The following CPM variants were observed in gnomAD, a reference collection of about 807,000 sequenced individuals.
The protein encoded by CPM is renal carboxypeptidase.
A neutral mutation model predicts 46.4 loss-of-function variants in CPM; 35 were observed. That is an observed-to-expected ratio of 0.75 (90% CI 0.58 to 1.00). The LOEUF is 1.00. CPM is among the 50% of genes least tolerant of loss of function. CPM has a pLI of 0.00. For missense variants in CPM, 422 were observed against 530.4 expected (o/e 0.80, Z 2.01); for synonymous variants, 195 against 195.3 (o/e 1.00, Z 0.01).
chr12:68,905,610 T>C (rs550695105), intron 2 of CPM, among the ~76,000 whole-genome samples: 1 of 152,222 alleles, frequency 6.6e-6, no homozygotes, highest in East Asian at 1.9e-4. Context: ...GTATTTTATA[T>C]AGTCTTTTTA....
intron 2 of CPM, among the ~76,000 whole-genome samples, chr12:68,928,525 T>C (rs904809256): frequency 2.6e-5 from 4 of 152,352 alleles, no homozygotes; most frequent in East Asian, 3.9e-4. Flanking sequence ...TTTACCTGTT[T>C]TGTAAATGAG....
intron 1 of CPM, among the ~76,000 whole-genome samples, chr12:68,943,669 G>A (rs1017571834): frequency 3.9e-5 from 6 of 152,152 alleles, no homozygotes; most frequent in African/African-American, 1.4e-4. Flanking sequence ...TTGCAAGAAA[G>A]CTTCTTGGCT....
chr12:68,871,902 C>T lies in CPM; in HGVS notation c.313G>A (p.Gly105Ser). ...AGATTTGTGATTTCAGGGTCTTTGC[C>T]ATCACTGGTTACGAGATAGTCAATC... ...HLIDYLVTSD[G>S]KDPEITNLIN... is the part of the protein sequence containing the mutation. The change falls in exon 4 of 9, where the codon GGC (glycine) becomes AGC (serine). Residue 105 changes from glycine (G) to serine (S), a missense_variant. By Grantham distance (56) the Gly-to-Ser change is moderately conservative. Transcript: ENST00000551568. 6.2e-7 allele frequency: 1 copy of T among 1,614,102 alleles called. No homozygotes were observed. The highest frequency in any genetic ancestry group is 8.5e-7 in the Non-Finnish European group (1 of 1,180,020).
intron 7 of CPM, among the ~76,000 whole-genome samples, chr12:68,865,473 C>G (rs1885395809): frequency 6.6e-6 from 1 of 152,238 alleles, no homozygotes; most frequent in African/African-American, 2.4e-5. Context: ...ACTCAGCCCT[C>G]TGGCCCTGTG....
chr12:68,885,176 C>G (rs554457785), intron 3 of CPM, among the ~76,000 whole-genome samples: 4 of 152,132 alleles, frequency 2.6e-5, no homozygotes, highest in Non-Finnish European at 4.4e-5. Context: ...AACTACTGAC[C>G]TCAAGTGATC....
At chr12:68,912,514 G>A (rs1364219006) in intron 2 of CPM, among the ~76,000 whole-genome samples, 2 of 152,144 alleles carry the variant, frequency 1.3e-5, no homozygotes, top group East Asian at 3.9e-4. Context: ...ACTGCCAGAT[G>A]ATAACTTGGT....
chr12:68,938,806 A>G (rs1490690919), intron 1 of CPM, among the ~76,000 whole-genome samples: 1 of 151,266 alleles, frequency 6.6e-6, no homozygotes, highest in Non-Finnish European at 1.5e-5. Context: ...ATATGTGTGT[A>G]TACACACACA....
chr12:68,889,892 C>T (rs546018758), intron 2 of CPM, among the ~76,000 whole-genome samples: 1 of 152,136 alleles, frequency 6.6e-6, no homozygotes, highest in Non-Finnish European at 1.5e-5. Context: ...AAGACATGTA[C>T]CCCTGATCGA....
At chr12:68,960,115 A>T (rs1889086807) in intron 1 of CPM, among the ~76,000 whole-genome samples, 1 of 152,164 alleles carries the variant, frequency 6.6e-6, no homozygotes, top group African/African-American at 2.4e-5. Flanking sequence ...TGTGTTGCTG[A>T]TAGGTGTTGG....
intron 2 of CPM, among the ~76,000 whole-genome samples, chr12:68,896,779 C>T (rs1013748675): frequency 1.3e-5 from 2 of 151,994 alleles, no homozygotes; most frequent in Admixed American, 6.6e-5. Flanking sequence ...ATGTTCATCC[C>T]CATAGTATTA....
At chr12:68,917,044 C>G (rs539791021) in intron 2 of CPM, among the ~76,000 whole-genome samples, 2 of 152,132 alleles carry the variant, frequency 1.3e-5, no homozygotes, top group Non-Finnish European at 2.9e-5. Flanking sequence ...GTGGATGAAG[C>G]AAAACGTGTT....
intron 2 of CPM, among the ~76,000 whole-genome samples, chr12:68,887,819 T>A (rs1886499279): frequency 6.6e-6 from 1 of 152,226 alleles, no homozygotes; most frequent in Non-Finnish European, 1.5e-5. Flanking sequence ...AGGGGGCTGA[T>A]GAAAAAGCCT....
At chr12:68,878,402 T>C (rs1443828077) in intron 3 of CPM, among the ~76,000 whole-genome samples, 1 of 152,220 alleles carries the variant, frequency 6.6e-6, no homozygotes, top group African/African-American at 2.4e-5. Context: ...CTCAGAGGGA[T>C]AATATCACTA....
intron 1 of CPM, among the ~76,000 whole-genome samples, chr12:68,955,433 C>T (rs1027875471): frequency 6.6e-6 from 1 of 151,812 alleles, no homozygotes; most frequent in Non-Finnish European, 1.5e-5. Flanking sequence ...GCCCCCAGGT[C>T]TGTGCTCCCC....
At chr12:68,888,377 T>G (rs1886521075) in intron 2 of CPM, among the ~76,000 whole-genome samples, 1 of 152,170 alleles carries the variant, frequency 6.6e-6, no homozygotes, top group South Asian at 2.1e-4. Context: ...AAGTGGTCCC[T>G]AAGTGAACTG....
chr12:68,909,800 A>C (rs1887506836), intron 2 of CPM, among the ~76,000 whole-genome samples: 1 of 135,954 alleles, frequency 7.4e-6, no homozygotes, highest in Non-Finnish European at 1.6e-5. Flanking sequence ...ACACATGGAC[A>C]CAGGGAGGGA....
At chr12:68,942,153 A>G (rs912816031) in intron 1 of CPM, among the ~76,000 whole-genome samples, 7 of 152,162 alleles carry the variant, frequency 4.6e-5, no homozygotes, top group Non-Finnish European at 5.9e-5. Context: ...TTAGAACTGT[A>G]TGTCTTTTTA....
intron 1 of CPM, among the ~76,000 whole-genome samples, chr12:68,953,337 G>C (rs939979723): frequency 1.3e-5 from 2 of 151,522 alleles, no homozygotes; most frequent in Non-Finnish European, 2.9e-5. Context: ...TCATATTTCC[G>C]TGCATGGAAT....
intron 1 of CPM, among the ~76,000 whole-genome samples, chr12:68,962,020 G>A (rs1224346832): frequency 6.6e-6 from 1 of 151,918 alleles, no homozygotes; most frequent in Non-Finnish European, 1.5e-5. Context: ...CTAACGCGGT[G>A]AAACCCTGTC....
Sources: allele counts gnomAD v4.1 joint callset (sites outside exome capture counted in the v4.1 genomes callset), GRCh38; gene constraint gnomAD v4.1.1; transcripts MANE v1.5; gene names NCBI Gene and HGNC (gene_info 2026-07-23, HGNC 2026-07-21).